The following CLGN variants were observed in gnomAD, a reference collection of about 807,000 sequenced individuals.
CLGN encodes calmegin.
In CLGN, 62 loss-of-function variants were observed where a neutral mutation model predicts 79.1. The observed-to-expected ratio is 0.78, with a 90% CI of 0.64 to 0.97. The LOEUF is 0.97. Ranked by LOEUF, CLGN falls within the 50% of genes least tolerant of loss-of-function variation. The probability of loss-of-function intolerance (pLI) is 0.00; values close to 1 mark genes in which losing one functional copy is unlikely to be tolerated. For missense variants in CLGN, 647 were observed against 715.5 expected, an observed-to-expected ratio of 0.90 and a Z score of 1.09; for synonymous variants, 225 against 224.7, an observed-to-expected ratio of 1.00 and a Z score of -0.01.
intron 4 of CLGN, among the ~76,000 whole-genome samples, chr4:140,408,483 A>C (rs1017410905): frequency 1.1e-4 from 17 of 152,118 alleles, no homozygotes; most frequent in African/African-American, 4.1e-4. Context: ...TCAGCAAGAA[A>C]AAAATTAATC....
chr4:140,399,376 A>T (rs1193292969), intron 7 of CLGN, among the ~76,000 whole-genome samples: 1 of 152,154 alleles, frequency 6.6e-6, no homozygotes, highest in Non-Finnish European at 1.5e-5. Context: ...TCAGCATTTA[A>T]TTTTTTTGAT....
At position 140,389,194 on chromosome 4, in the gene CLGN, T is replaced by A. The variant is rs1467797717; in HGVS notation, c.*30A>T. 8 of 1,569,644 alleles carry A rather than the reference T, an allele frequency of 5.1e-6. No individual in the cohort carries two copies. Among genetic ancestry groups the A allele is most frequent in the Non-Finnish European group, 7.0e-6 (8 of 1,140,918 alleles). ...TGATTTTTACAATGCCAAACATCCC[T>A]CTCGGGAATTAAAAATATTTCAATC... On this transcript the variant is annotated 3_prime_UTR_variant, in exon 15 of 15. Transcript: ENST00000325617.
At chr4:140,395,292 G>A (rs149819287) in intron 10 of CLGN, among the ~76,000 whole-genome samples, 2,788 of 151,982 alleles carry the variant, frequency 0.018, 87 homozygotes, top group African/African-American at 0.063. Flanking sequence ...GACTACAGGC[G>A]TGCGCCACCA....
chr4:140,397,677 G>A (rs990746213), intron 8 of CLGN, among the ~76,000 whole-genome samples: 4 of 152,006 alleles, frequency 2.6e-5, no homozygotes, highest in South Asian at 2.1e-4. Context: ...AGGCTGAGGC[G>A]GGAGGATCAC....
chr4:140,390,219 G>A (rs1306227898), intron 14 of CLGN, among the ~76,000 whole-genome samples: 1 of 151,660 alleles, frequency 6.6e-6, no homozygotes, highest in Non-Finnish European at 1.5e-5. Context: ...CCCAATGAAT[G>A]AAATATTTTA....
intron 1 of CLGN, among the ~76,000 whole-genome samples, chr4:140,418,045 C>T (rs1729380275): frequency 6.6e-6 from 1 of 152,056 alleles, no homozygotes; most frequent in East Asian, 1.9e-4. Flanking sequence ...AGAAATAACG[C>T]CGCATATCTA....
At chr4:140,391,388 T>C (rs1034452349) in intron 13 of CLGN, among the ~76,000 whole-genome samples, 1 of 151,798 alleles carries the variant, frequency 6.6e-6, no homozygotes, top group East Asian at 1.9e-4. Flanking sequence ...GATCCAGACA[T>C]CAATATACTA....
chr4:140,399,320 A>C (rs1445946970), intron 7 of CLGN, among the ~76,000 whole-genome samples: 2 of 152,196 alleles, frequency 1.3e-5, no homozygotes, highest in Non-Finnish European at 2.9e-5. Flanking sequence ...ACTCATAACG[A>C]GTCAGCTTCA....
chr4:140,412,317 A>C (rs1729228892), intron 2 of CLGN, among the ~76,000 whole-genome samples: 1 of 152,166 alleles, frequency 6.6e-6, no homozygotes, highest in Non-Finnish European at 1.5e-5. Flanking sequence ...ACCACCAAAA[A>C]TATCTCTGAT....
At chr4:140,414,737 A>T (rs1317831149) in intron 1 of CLGN, among the ~76,000 whole-genome samples, 2 of 148,516 alleles carry the variant, frequency 1.3e-5, no homozygotes, top group South Asian at 4.4e-4. Context: ...GTGTACCTAA[A>T]AGTGATGGGG....
At chr4:140,393,771 G>C in intron 11 of CLGN, 55 bp downstream of exon 11, 1 of 1,492,726 alleles carries the variant, frequency 6.7e-7, no homozygotes, top group East Asian at 2.3e-5. Context: ...CTACAACCAA[G>C]ACCAAGTATT....
rs181401532 is a variant in CLGN at position 140,394,102 on chromosome 4, A to T, written c.1150-61T>A. ...AATAACTTCATTATAAATGCTGCTT[A>T]ATAAGTAGCTGCTGTTGAATGAAAT... On this transcript the variant is annotated intron_variant, in intron 10 of 14. Coordinates refer to ENST00000325617, the MANE Select transcript of CLGN (RefSeq NM_004362.3). 9.1e-4 allele frequency: 1,072 copies of T among 1,176,200 alleles called. 14 individuals are homozygous for T. The African/African-American group carries it at 0.014, about 16-fold the overall frequency. The allele number at this position is 1,176,200 out of a possible 1,614,324, so 72.9% of individuals were successfully genotyped here. A position where few individuals can be genotyped will look rare whatever the true frequency, so the allele number is the denominator to read the frequency against.
chr4:140,425,070 C>T (rs1389034671), intron 1 of CLGN, among the ~76,000 whole-genome samples: 2 of 152,100 alleles, frequency 1.3e-5, no homozygotes, highest in African/African-American at 4.8e-5. Flanking sequence ...GTAAGTAAGG[C>T]ACACAAAGAA....
chr4:140,427,136 G>C lies in CLGN; in HGVS notation c.-10+401C>G, dbSNP rs966349431. ...AGCGCCCCGGGCTCAAGCGTGGAACGGGGCTGCAATGGCAACCGCTGGAAT... is the reference window on the plus strand; with the variant it reads ...AGCGCCCCGGGCTCAAGCGTGGAACCGGGCTGCAATGGCAACCGCTGGAAT... On this transcript the variant is annotated intron_variant, in intron 1 of 14. Transcript: ENST00000325617. Among the ~76,000 whole-genome samples the C allele has an allele frequency of 1.1e-4, 16 of 152,250 alleles. 1 individual carries two copies. The highest frequency in any genetic ancestry group is 4.1e-4 in the South Asian group (2 of 4,830).
chr4:140,396,902 T>C (rs1463972847), intron 8 of CLGN, among the ~76,000 whole-genome samples: 5 of 64,424 alleles, frequency 7.8e-5, no homozygotes, highest in Admixed American at 2.1e-4. Flanking sequence ...TATATATATA[T>C]ATATGTATAT....
chr4:140,424,892 A>C (rs1365508014), intron 1 of CLGN, among the ~76,000 whole-genome samples: 1 of 152,208 alleles, frequency 6.6e-6, no homozygotes, highest in Non-Finnish European at 1.5e-5. Context: ...ATGAGATACC[A>C]TTCTTCCCAA....
intron 1 of CLGN, among the ~76,000 whole-genome samples, chr4:140,417,665 A>T (rs1389841729): frequency 6.6e-6 from 1 of 152,004 alleles, no homozygotes; most frequent in African/African-American, 2.4e-5. Context: ...GACCTCTTCA[A>T]GGAGAACTAC....
chr4:140,417,000 C>T (rs987014304), intron 1 of CLGN, among the ~76,000 whole-genome samples: 1 of 152,024 alleles, frequency 6.6e-6, no homozygotes, highest in Non-Finnish European at 1.5e-5. Flanking sequence ...AGCTTATCCA[C>T]CATGATGAAG....
chr4:140,424,934 A>G (rs1729533542), intron 1 of CLGN, among the ~76,000 whole-genome samples: 1 of 152,214 alleles, frequency 6.6e-6, no homozygotes, highest in South Asian at 2.1e-4. Context: ...AGTCTGGTCT[A>G]CTTTAAATAA....
Sources: gnomAD v4.1 joint callset for allele counts (sites outside exome capture counted in the v4.1 genomes callset) on GRCh38, gnomAD v4.1.1 for gene constraint, MANE v1.5 for transcripts, NCBI Gene and HGNC (gene_info 2026-07-23, HGNC 2026-07-21) for gene names.